GADL1: variants seen among roughly 807,000 people sequenced by gnomAD.
The protein encoded by GADL1 is acidic amino acid decarboxylase GADL1.
A neutral mutation model predicts 69.5 loss-of-function variants in GADL1; 71 were observed. That is an observed-to-expected ratio of 1.02 (90% CI 0.84 to 1.25). The LOEUF (loss-of-function observed/expected upper bound fraction) is 1.25. GADL1 is among the 50% of genes most tolerant of loss of function. The pLI is 0.00. For synonymous variants in GADL1, 254 were observed against 214.4 expected, an observed-to-expected ratio of 1.18 and a Z score of -1.62; for missense variants, 737 against 631.8, an observed-to-expected ratio of 1.17 and a Z score of -1.79.
At chr3:30,785,793 A>C (rs780445489) in intron 13 of GADL1, among the ~76,000 whole-genome samples, 1 of 150,994 alleles carries the variant, frequency 6.6e-6, no homozygotes, top group African/African-American at 2.5e-5. Context: ...TTTGCAATTT[A>C]TATTTCTTAA....
chr3:30,747,070 G>A (rs1476067302), intron 14 of GADL1, among the ~76,000 whole-genome samples: 1 of 152,206 alleles, frequency 6.6e-6, no homozygotes, highest in Non-Finnish European at 1.5e-5. Context: ...CATGGTGCCT[G>A]TCAGGTTCCT....
chr3:30,766,248 G>A (rs1696273231), intron 14 of GADL1, among the ~76,000 whole-genome samples: 1 of 152,156 alleles, frequency 6.6e-6, no homozygotes, highest in African/African-American at 2.4e-5. Context: ...AGGGATGAAA[G>A]CAGAGAGAAA....
intron 8 of GADL1, among the ~76,000 whole-genome samples, chr3:30,842,837 A>AT (rs1047729217): frequency 2.3e-4 from 35 of 150,484 alleles, no homozygotes; most frequent in African/African-American, 8.1e-4. Flanking sequence ...AAAAAAAAAA[A>AT]AAAAAAGTAG....
intron 11 of GADL1, among the ~76,000 whole-genome samples, chr3:30,801,538 A>C (rs895243444): frequency 1.3e-5 from 2 of 152,216 alleles, no homozygotes; most frequent in African/African-American, 4.8e-5. Context: ...AAAAGGCTAG[A>C]CCCAACATAA....
chr3:30,785,022 T>TGAGACC (rs1553638885), intron 13 of GADL1, among the ~76,000 whole-genome samples: 4 of 152,204 alleles, frequency 2.6e-5, no homozygotes, highest in Non-Finnish European at 4.4e-5. Context: ...GCTGTTTATC[T>TGAGACC]TTATTCAGGT....
At chr3:30,800,150 T>G (rs2125506477) in intron 12 of GADL1, 1 of 152,626 alleles carries the variant, frequency 6.6e-6, no homozygotes, top group Middle Eastern at 3.4e-3. Context: ...TTAGTCTGTT[T>G]TCATGCTGCT....
intron 12 of GADL1, among the ~76,000 whole-genome samples, chr3:30,796,050 C>A (rs1443489315): frequency 6.6e-6 from 1 of 152,172 alleles, no homozygotes; most frequent in Non-Finnish European, 1.5e-5. Flanking sequence ...TATTTCTCTG[C>A]AGAAATTAGA....
Position 30,728,387 on chromosome 3 carries a change from A to C in GADL1, c.1421T>G (p.Met474Arg), listed in dbSNP as rs765215969. 6.2e-7 allele frequency: 1 copy of C among 1,613,676 alleles called. No homozygotes were observed. Among genetic ancestry groups the C allele is most frequent in the East Asian group, 2.2e-5 (1 of 44,810 alleles). The change falls in exon 15 of 15, where the codon ATG (methionine) becomes AGG (arginine). Residue 474 changes from methionine (M) to arginine (R), a missense_variant. Transcript: ENST00000282538. ...LVAPAIKERMMKKGSLMLGYQ... is the reference protein window; with the variant it reads ...LVAPAIKERMRKKGSLMLGYQ... ...GCCCAGCATCAAGCTTCCCTTCTTCATCATCCTCTCCTTAATGGCTGGGGC... is the reference window on the plus strand; with the variant it reads ...GCCCAGCATCAAGCTTCCCTTCTTCCTCATCCTCTCCTTAATGGCTGGGGC...
intron 12 of GADL1, among the ~76,000 whole-genome samples, chr3:30,788,820 G>C (rs893937596): frequency 1.3e-5 from 2 of 152,054 alleles, no homozygotes; most frequent in East Asian, 1.9e-4. Context: ...ATAGGAAGAG[G>C]CTCCTCATCC....
At chr3:30,809,095 A>G (rs138128491) in intron 11 of GADL1, among the ~76,000 whole-genome samples, 1 of 152,316 alleles carries the variant, frequency 6.6e-6, no homozygotes, top group Non-Finnish European at 1.5e-5. Flanking sequence ...CTGAGTGTCT[A>G]CTCACAATAT....
Position 30,850,848 on chromosome 3 carries a change from T to C in GADL1, c.522A>G (p.Gly174=), listed in dbSNP as rs1215719954. The C allele has an allele frequency of 7.8e-6, 12 of 1,544,242 alleles. No homozygotes were observed. The highest frequency in any genetic ancestry group is 1.1e-5 in the Non-Finnish European group (12 of 1,140,528). ...IEFIGWKEGD[G]IFNPGGSVSN... The stretch of plus-strand genomic sequence containing the variant: ...AATTGTACTCACCTGGGTTAAATAT[T>C]CCATCCCCTTCTTTCCAGCCAATAA... The change falls in exon 5 of 15, where the codon GGA becomes GGG. Residue 174 remains glycine (G), a synonymous_variant. Coordinates refer to ENST00000282538, the MANE Select transcript of GADL1 (RefSeq NM_207359.3).
intron 11 of GADL1, among the ~76,000 whole-genome samples, chr3:30,828,213 GCA>G (rs1248157938): frequency 1.3e-5 from 2 of 151,676 alleles, no homozygotes; most frequent in African/African-American, 4.8e-5. Flanking sequence ...CTCTTTACTT[GCA>G]CACTTTTTAA....
At chr3:30,819,348 G>A (rs535651946) in intron 11 of GADL1, among the ~76,000 whole-genome samples, 2 of 152,150 alleles carry the variant, frequency 1.3e-5, no homozygotes, top group East Asian at 3.9e-4. Flanking sequence ...ACTATGAAGT[G>A]TAAAAGGTAA....
chr3:30,786,469 G>A (rs1696792424), intron 12 of GADL1, 63 bp from the exon 13 acceptor site: 3 of 860,390 alleles, frequency 3.5e-6, no homozygotes, highest in African/African-American at 3.4e-5. Flanking sequence ...GAACATGACT[G>A]ATATGACAAA....
intron 14 of GADL1, among the ~76,000 whole-genome samples, chr3:30,767,479 A>G (rs1185333663): frequency 2.0e-5 from 3 of 152,120 alleles, no homozygotes; most frequent in African/African-American, 7.2e-5. Context: ...GTAACATAAG[A>G]CCCCATAATA....
At chr3:30,826,790 C>T (rs1195276716) in intron 11 of GADL1, among the ~76,000 whole-genome samples, 2 of 151,732 alleles carry the variant, frequency 1.3e-5, no homozygotes, top group Non-Finnish European at 2.9e-5. Flanking sequence ...GATACTAAAA[C>T]AAAAATAACT....
intron 11 of GADL1, among the ~76,000 whole-genome samples, chr3:30,824,050 A>G (rs998131964): frequency 1.3e-5 from 2 of 151,906 alleles, no homozygotes; most frequent in African/African-American, 2.4e-5. Context: ...AAATGAAAGC[A>G]GGGATAATAA....
chr3:30,857,165 A>T (rs373379875), intron 2 of GADL1, 24 bp from the exon 3 acceptor site: 12 of 1,547,530 alleles, frequency 7.8e-6, no homozygotes, highest in South Asian at 7.2e-5. Context: ...CACAACACAA[A>T]TTGAGTATCC....
Position 30,750,054 on chromosome 3 carries a change from G to C in GADL1, c.1393-21639C>G, listed in dbSNP as rs148966709. Among the ~76,000 whole-genome samples, 55 of 152,214 alleles carry C rather than the reference G, an allele frequency of 3.6e-4. 2 individuals carry two copies. In the East Asian group the frequency reaches 7.4e-3, roughly 20 times the overall value. On this transcript the variant is annotated intron_variant, in intron 14 of 14. Transcript: ENST00000282538. ...GTGTAGGCAACTTATTATCATTCAG[G>C]TTACAGTACAAGAATTTACAAGTGA...
Sources: allele counts gnomAD v4.1 joint callset (sites outside exome capture counted in the v4.1 genomes callset), GRCh38; gene constraint gnomAD v4.1.1; transcripts MANE v1.5; gene names NCBI Gene and HGNC (gene_info 2026-07-23, HGNC 2026-07-21).